Variants in CCDC102B observed in about 807,000 individuals in gnomAD.
CCDC102B encodes the protein coiled-coil domain containing 102B.
CCDC102B carries 75 observed loss-of-function variants against 57.4 expected under a neutral mutation model. The ratio of observed to expected loss-of-function variants is 1.31; its 90% CI spans 1.08 to 1.58. The LOEUF is 1.58. Ranked by LOEUF, CCDC102B falls within the 40% of genes most tolerant of loss-of-function variation. The pLI, the probability that CCDC102B is intolerant of heterozygous loss-of-function variation, is 0.00. For missense variants in CCDC102B, 636 were observed against 582.6 expected, an observed-to-expected ratio of 1.09 and a Z score of -0.94; for synonymous variants, 206 against 201.9, an observed-to-expected ratio of 1.02 and a Z score of -0.17.
At chr18:68,849,167 T>C (rs2038010394) in intron 4 of CCDC102B, among the ~76,000 whole-genome samples, 1 of 152,056 alleles carries the variant, frequency 6.6e-6, no homozygotes, top group Non-Finnish European at 1.5e-5. Context: ...TGGGAGAAAA[T>C]AGAAAATTAG....
chr18:69,030,567 T>C (rs934950695), intron 7 of CCDC102B, among the ~76,000 whole-genome samples: 1 of 152,232 alleles, frequency 6.6e-6, no homozygotes, highest in Admixed American at 6.5e-5. Context: ...TCTTGTTCTT[T>C]GAACTTCCAC....
intron 6 of CCDC102B, among the ~76,000 whole-genome samples, chr18:68,986,261 T>C (rs1306219126): frequency 1.3e-5 from 2 of 152,046 alleles, no homozygotes; most frequent in African/African-American, 4.8e-5. Context: ...TCAGCAAAAC[T>C]GAATCCAGCA....
chr18:68,893,233 C>T (rs936492685), intron 5 of CCDC102B, among the ~76,000 whole-genome samples: 5 of 152,064 alleles, frequency 3.3e-5, no homozygotes, highest in African/African-American at 1.2e-4. Context: ...TCAGTTCTCC[C>T]TCATAACACT....
chr18:69,014,982 T>A (rs868401799), intron 7 of CCDC102B, among the ~76,000 whole-genome samples: 14 of 141,866 alleles, frequency 9.9e-5, no homozygotes, highest in East Asian at 4.0e-4. Context: ...AGAGAGAGTG[T>A]GTGTGTGTGT....
At chr18:68,905,451 A>G (rs1483260557) in intron 6 of CCDC102B, among the ~76,000 whole-genome samples, 1 of 151,308 alleles carries the variant, frequency 6.6e-6, no homozygotes, top group Non-Finnish European at 1.5e-5. Flanking sequence ...GTGTAAACTC[A>G]GATTAATAGA....
At chr18:68,943,169 G>T (rs569817724) in intron 6 of CCDC102B, among the ~76,000 whole-genome samples, 317 of 151,674 alleles carry the variant, frequency 2.1e-3, no homozygotes, top group Non-Finnish European at 3.5e-3. Flanking sequence ...GAACAAAATG[G>T]AGTCTCTTAT....
chr18:68,983,092 G>A (rs1449405941), intron 6 of CCDC102B, among the ~76,000 whole-genome samples: 4 of 151,466 alleles, frequency 2.6e-5, no homozygotes, highest in African/African-American at 9.7e-5. Context: ...TTTTCAGAAG[G>A]ATACTTCTCT....
chr18:68,790,275 G>A (rs2035391229), intron 2 of CCDC102B, among the ~76,000 whole-genome samples: 1 of 151,714 alleles, frequency 6.6e-6, no homozygotes, highest in East Asian at 1.9e-4. Flanking sequence ...GGTTACTGCT[G>A]TCTTTTTGTT....
At chr18:68,912,258 T>G (rs2040902801) in intron 6 of CCDC102B, among the ~76,000 whole-genome samples, 1 of 152,344 alleles carries the variant, frequency 6.6e-6, no homozygotes, top group Non-Finnish European at 1.5e-5. Context: ...ACTTTCTTGA[T>G]GTATTTTGAT....
intron 6 of CCDC102B, among the ~76,000 whole-genome samples, chr18:68,985,981 T>G (rs550043145): frequency 6.6e-6 from 1 of 152,110 alleles, no homozygotes; most frequent in East Asian, 1.9e-4. Flanking sequence ...AAAATATTAC[T>G]CAAGTGATAA....
chr18:68,868,257 C>G (rs948678622), intron 4 of CCDC102B, among the ~76,000 whole-genome samples: 1 of 151,674 alleles, frequency 6.6e-6, no homozygotes, highest in African/African-American at 2.4e-5. Flanking sequence ...TATACATCAG[C>G]AAGAGAACAA....
At chr18:68,810,992 T>A (rs2036241398) in intron 1 of CCDC102B, among the ~76,000 whole-genome samples, 1 of 152,152 alleles carries the variant, frequency 6.6e-6, no homozygotes, top group Non-Finnish European at 1.5e-5. Context: ...AATGATGGTT[T>A]CCAGCTTCAT....
chr18:69,049,462 G>A (rs374222289), intron 7 of CCDC102B, among the ~76,000 whole-genome samples: 42 of 151,976 alleles, frequency 2.8e-4, no homozygotes, highest in African/African-American at 9.7e-4. Flanking sequence ...TACTTCAAGG[G>A]AAAAGCAAGA....
chr18:69,006,110 C>G (rs1285667352), intron 6 of CCDC102B, among the ~76,000 whole-genome samples: 5 of 151,914 alleles, frequency 3.3e-5, no homozygotes, highest in Admixed American at 3.3e-4. Context: ...TACCATCTAC[C>G]TAATTCTCTT....
chr18:68,875,983 C>T (rs1430637950), intron 5 of CCDC102B, among the ~76,000 whole-genome samples: 3 of 152,078 alleles, frequency 2.0e-5, no homozygotes, highest in East Asian at 3.9e-4. Flanking sequence ...AAAGGCTGAA[C>T]TGTTGAATAC....
intron 6 of CCDC102B, among the ~76,000 whole-genome samples, chr18:68,956,510 TATATCGC>T (rs2049887678): frequency 1.9e-5 from 1 of 51,396 alleles, no homozygotes; most frequent in African/African-American, 1.5e-4. Flanking sequence ...ATATAATATA[TATATCGC>T]ATATTATATA....
chr18:69,025,464 G>C (rs1224814871), intron 7 of CCDC102B, among the ~76,000 whole-genome samples: 1 of 152,150 alleles, frequency 6.6e-6, no homozygotes, highest in African/African-American at 2.4e-5. Context: ...AGGTGTGATA[G>C]TGTTGAGAAC....
rs191859782 is a variant in CCDC102B at position 68,777,903 on chromosome 18, C to G, written c.-66-45463C>G. ...AATGAATCAAATGGGAAATTTTCTT[C>G]GATTTTTAAAGGAAGATTCCCATTA... is the stretch of plus-strand genomic sequence containing the variant. On this transcript the variant is annotated intron_variant, in intron 2 of 3. Coordinates refer to the CCDC102B transcript ENST00000578970. Among the ~76,000 whole-genome samples the G allele has an allele frequency of 2.1e-4, 32 of 152,158 alleles. No homozygotes were observed. In the East Asian group the frequency reaches 3.1e-3, roughly 15 times the overall value.
intron 2 of CCDC102B, among the ~76,000 whole-genome samples, chr18:68,773,619 C>A (rs1177625282): frequency 6.6e-6 from 1 of 151,730 alleles, no homozygotes; most frequent in African/African-American, 2.4e-5. Context: ...AAATTGAATA[C>A]AATTTTCCTT....
Sources: gnomAD v4.1 joint callset for allele counts (sites outside exome capture counted in the v4.1 genomes callset) on GRCh38, gnomAD v4.1.1 for gene constraint, MANE v1.5 for transcripts, NCBI Gene and HGNC (gene_info 2026-07-23, HGNC 2026-07-21) for gene names.